DAB1: variants seen among roughly 807,000 people sequenced by gnomAD.
DAB1 encodes the protein DAB adaptor protein 1.
DAB1 carries 15 observed loss-of-function variants against 64.6 expected under a neutral mutation model. The observed-to-expected ratio is 0.23, with a 90% CI of 0.16 to 0.36. The LOEUF (loss-of-function observed/expected upper bound fraction) is 0.36. Ranked by LOEUF, DAB1 falls within the 10% of genes least tolerant of loss-of-function variation. The pLI, the probability that DAB1 is intolerant of heterozygous loss-of-function variation, is 1.00. For synonymous variants in DAB1, 235 were observed against 251.9 expected (o/e 0.93, Z 0.64); for missense variants, 596 against 706.7 (o/e 0.84, Z 1.78).
intron 4 of DAB1, among the ~76,000 whole-genome samples, chr1:58,208,653 G>C (rs1480322792): frequency 6.6e-6 from 1 of 152,004 alleles, no homozygotes; most frequent in African/African-American, 2.4e-5. Context: ...GTAGTATTCT[G>C]GTATATACAT....
At chr1:57,386,043 C>T (rs763532823) in intron 1 of DAB1, among the ~76,000 whole-genome samples, 1 of 152,076 alleles carries the variant, frequency 6.6e-6, no homozygotes, top group Non-Finnish European at 1.5e-5. Flanking sequence ...AGTGACTGGG[C>T]TACTCAGTGA....
At chr1:57,134,069 C>A (rs1657862166) in intron 4 of DAB1, among the ~76,000 whole-genome samples, 1 of 152,178 alleles carries the variant, frequency 6.6e-6, no homozygotes, top group Admixed American at 6.6e-5. Flanking sequence ...CTCTACTTGA[C>A]TTTCTTCAAC....
chr1:57,634,503 G>C (rs775016677), intron 7 of DAB1, among the ~76,000 whole-genome samples: 24 of 152,194 alleles, frequency 1.6e-4, no homozygotes, highest in Non-Finnish European at 3.1e-4. Flanking sequence ...CCAAACAAAT[G>C]AAATGATCAC....
At chr1:58,062,510 A>G (rs540227019) in intron 5 of DAB1, among the ~76,000 whole-genome samples, 4 of 152,204 alleles carry the variant, frequency 2.6e-5, no homozygotes, top group Admixed American at 2.6e-4. Context: ...CTTCCATACA[A>G]CTATCCTTGC....
At chr1:57,752,887 C>G (rs1648620222) in intron 6 of DAB1, among the ~76,000 whole-genome samples, 2 of 152,190 alleles carry the variant, frequency 1.3e-5, no homozygotes, top group Non-Finnish European at 2.9e-5. Context: ...ATAAATCTTC[C>G]TTCCTTCCAA....
At chr1:57,479,099 ACTTTT>A (rs1277771469) in intron 7 of DAB1, among the ~76,000 whole-genome samples, 24 of 152,268 alleles carry the variant, frequency 1.6e-4, no homozygotes, top group Admixed American at 1.4e-3. Context: ...CAAAAAAAAA[ACTTTT>A]CTTTTTATAA....
chr1:58,001,818 T>A (rs780880397), intron 5 of DAB1, among the ~76,000 whole-genome samples: 4 of 152,198 alleles, frequency 2.6e-5, no homozygotes, highest in Non-Finnish European at 4.4e-5. Context: ...TTTGCTGATA[T>A]CAGTACATTA....
At chr1:57,221,781 T>A (rs895646832) in intron 2 of DAB1, among the ~76,000 whole-genome samples, 6 of 152,224 alleles carry the variant, frequency 3.9e-5, no homozygotes, top group African/African-American at 1.4e-4. Flanking sequence ...ATTTTTTCTG[T>A]TCCTATTGCA....
intron 1 of DAB1, among the ~76,000 whole-genome samples, chr1:57,338,275 G>T (rs35321467): frequency 6.6e-6 from 1 of 152,076 alleles, no homozygotes; most frequent in South Asian, 2.1e-4. Context: ...GTGAGCCACC[G>T]CACCCAACCT....
At chr1:58,285,004 G>A (rs375203999) in intron 4 of DAB1, among the ~76,000 whole-genome samples, 3 of 152,176 alleles carry the variant, frequency 2.0e-5, no homozygotes, top group Non-Finnish European at 4.4e-5. Context: ...TCTTTATGAC[G>A]GTGTTCCAGA....
At chr1:57,429,057 G>A (rs1685400303), upstream of DAB1, among the ~76,000 whole-genome samples, 1 of 151,928 alleles carries the variant, frequency 6.6e-6, no homozygotes. Context: ...GGGACTACAG[G>A]CAAGTGCCAC....
intron 7 of DAB1, among the ~76,000 whole-genome samples, chr1:57,436,922 G>T (rs1685717373): frequency 6.6e-6 from 1 of 151,840 alleles, no homozygotes; most frequent in African/African-American, 2.4e-5. Flanking sequence ...CAGCTACTTG[G>T]GAGGCTGAGG....
chr1:58,223,107 A>C (rs1466480793), intron 4 of DAB1, among the ~76,000 whole-genome samples: 8 of 152,192 alleles, frequency 5.3e-5, no homozygotes, highest in Non-Finnish European at 1.2e-4. Context: ...CCATGTCTTA[A>C]TCCCAAGACC....
intron 1 of DAB1, among the ~76,000 whole-genome samples, chr1:57,346,156 C>T (rs374280504): frequency 4.9e-4 from 74 of 152,274 alleles, no homozygotes; most frequent in African/African-American, 1.8e-3. Flanking sequence ...CTGGGCTGAG[C>T]AATGAATCTC....
At chr1:57,449,994 A>G (rs1686291169) in intron 7 of DAB1, among the ~76,000 whole-genome samples, 1 of 152,204 alleles carries the variant, frequency 6.6e-6, no homozygotes, top group East Asian at 1.9e-4. Context: ...AAAGCTTACT[A>G]TCTTGTGTAA....
At chr1:58,118,037 G>A (rs1239027467) in intron 5 of DAB1, among the ~76,000 whole-genome samples, 1 of 151,550 alleles carries the variant, frequency 6.6e-6, no homozygotes, top group Non-Finnish European at 1.5e-5. Context: ...CTGAGTAGCT[G>A]GGATCACAGA....
chr1:57,031,144 C>A (rs1646954551), intron 9 of DAB1, among the ~76,000 whole-genome samples: 1 of 152,134 alleles, frequency 6.6e-6, no homozygotes, highest in South Asian at 2.1e-4. Flanking sequence ...CATGCAGAGG[C>A]ATAAAACATA....
At chr1:58,304,110 C>A (rs1662243189) in intron 4 of DAB1, among the ~76,000 whole-genome samples, 1 of 152,042 alleles carries the variant, frequency 6.6e-6, no homozygotes, top group South Asian at 2.1e-4. Flanking sequence ...GATTCCAGAG[C>A]ATATAAGGGC....
At chr1:58,324,638 T>C (rs1353233355) in intron 4 of DAB1, among the ~76,000 whole-genome samples, 1 of 152,204 alleles carries the variant, frequency 6.6e-6, no homozygotes, top group Non-Finnish European at 1.5e-5. Context: ...CAAAGTGTTT[T>C]CTTTTTCTTA....
Sources: allele counts gnomAD v4.1 joint callset (sites outside exome capture counted in the v4.1 genomes callset), GRCh38; gene constraint gnomAD v4.1.1; transcripts MANE v1.5; gene names NCBI Gene and HGNC (gene_info 2026-07-23, HGNC 2026-07-21).